COBLL1: variants seen among roughly 807,000 people sequenced by gnomAD.
The protein encoded by COBLL1 is cordon-bleu protein-like 1.
A neutral mutation model predicts 94.8 loss-of-function variants in COBLL1; 50 were observed. The observed-to-expected ratio is 0.53, with a 90% confidence interval of 0.42 to 0.67. The LOEUF (loss-of-function observed/expected upper bound fraction) is 0.67. Ranked by LOEUF, COBLL1 falls within the 30% of genes least tolerant of loss-of-function variation. The probability of loss-of-function intolerance (pLI) is 0.00; values close to 1 mark genes in which losing one functional copy is unlikely to be tolerated. For missense variants in COBLL1, 1,362 were observed against 1,348.7 expected (o/e 1.01, Z -0.15); for synonymous variants, 448 against 473.8 (o/e 0.95, Z 0.71).
intron 2 of COBLL1, among the ~76,000 whole-genome samples, chr2:164,813,700 T>C (rs1427651863): frequency 6.6e-6 from 1 of 152,186 alleles, no homozygotes; most frequent in Non-Finnish European, 1.5e-5. Flanking sequence ...GCATCACAAC[T>C]GAACTTATTG....
chr2:164,788,448 A>G (rs1574589926), intron 2 of COBLL1, among the ~76,000 whole-genome samples: 1 of 152,168 alleles, frequency 6.6e-6, no homozygotes, highest in East Asian at 1.9e-4. Context: ...GAAAATTACA[A>G]GAGATACATG....
chr2:164,807,006 A>G (rs949384512), intron 2 of COBLL1, among the ~76,000 whole-genome samples: 2 of 152,122 alleles, frequency 1.3e-5, no homozygotes, highest in African/African-American at 4.8e-5. Flanking sequence ...TGGCCGGCCT[A>G]TATTTCTTCT....
intron 3 of COBLL1, among the ~76,000 whole-genome samples, chr2:164,730,349 T>G (rs1049108151): frequency 3.6e-5 from 5 of 138,294 alleles, no homozygotes; most frequent in Non-Finnish European, 7.9e-5. Flanking sequence ...AAAAAAACAA[T>G]AGCCTGCTGT....
chr2:164,819,288 CTT>C (rs1251824308), intron 2 of COBLL1, among the ~76,000 whole-genome samples: 1 of 152,002 alleles, frequency 6.6e-6, no homozygotes, highest in South Asian at 2.1e-4. Flanking sequence ...GCATCAATAA[CTT>C]TTACATATTA....
chr2:164,659,468 C>T (rs760038006), intron 2 of COBLL1, among the ~76,000 whole-genome samples: 2 of 152,158 alleles, frequency 1.3e-5, no homozygotes, highest in Non-Finnish European at 2.9e-5. Flanking sequence ...AGTGTGCAGT[C>T]GCAGCACTGG....
chr2:164,675,583 T>C (rs1342070837), downstream of COBLL1, among the ~76,000 whole-genome samples: 1 of 152,172 alleles, frequency 6.6e-6, no homozygotes, highest in African/African-American at 2.4e-5. Context: ...ACAAAATGAT[T>C]TTTTAGGATT....
At chr2:164,803,007 G>T (rs1266615270) in intron 2 of COBLL1, among the ~76,000 whole-genome samples, 8 of 152,072 alleles carry the variant, frequency 5.3e-5, no homozygotes, top group Admixed American at 5.2e-4. Context: ...ATTATAGATT[G>T]CAATATATAG....
intron 7 of COBLL1, among the ~76,000 whole-genome samples, chr2:164,714,013 G>A (rs1685037129): frequency 6.6e-6 from 1 of 152,156 alleles, no homozygotes; most frequent in East Asian, 1.9e-4. Context: ...AAGTCATAGA[G>A]AAGTTCAGCA....
chr2:164,666,164 GAAGTA>G (rs1691155665), intron 1 of COBLL1, among the ~76,000 whole-genome samples: 1 of 152,024 alleles, frequency 6.6e-6, no homozygotes, highest in African/African-American at 2.4e-5. Context: ...CTCTAAACAT[GAAGTA>G]TAGTTATACC....
At chr2:164,785,463 A>G (rs1272357344) in intron 2 of COBLL1, among the ~76,000 whole-genome samples, 3 of 152,158 alleles carry the variant, frequency 2.0e-5, no homozygotes, top group Non-Finnish European at 4.4e-5. Flanking sequence ...CTTCCAGCCA[A>G]CCCCATAAAT....
chr2:164,701,498 C>T, intron 9 of COBLL1, among the ~76,000 whole-genome samples: 1 of 152,172 alleles, frequency 6.6e-6, no homozygotes, highest in East Asian at 1.9e-4. Context: ...AATATACATA[C>T]ATAGGCTGAT....
chr2:164,794,187 T>A (rs1260817437), intron 2 of COBLL1, among the ~76,000 whole-genome samples: 1 of 152,176 alleles, frequency 6.6e-6, no homozygotes, highest in East Asian at 1.9e-4. Flanking sequence ...ACCTCAAAAC[T>A]GAAGGGGTGG....
intron 2 of COBLL1, among the ~76,000 whole-genome samples, chr2:164,751,461 G>T (rs1436529630): frequency 3.9e-5 from 6 of 152,002 alleles, no homozygotes; most frequent in Non-Finnish European, 8.8e-5. Context: ...GCAAAAACTT[G>T]GTGGGTTGCT....
chr2:164,805,337 C>CTATATATATATATATATATATATA (rs71028444), intron 2 of COBLL1, among the ~76,000 whole-genome samples: 3 of 17,048 alleles, frequency 1.8e-4, no homozygotes, highest in South Asian at 2.4e-3. Flanking sequence ...CTCTCTCTCT[C>CTATATATATATATATATATATATA]TATATATATA....
intron 2 of COBLL1, among the ~76,000 whole-genome samples, chr2:164,803,766 A>G (rs1361741984): frequency 1.3e-5 from 2 of 152,112 alleles, no homozygotes; most frequent in Admixed American, 1.3e-4. Context: ...TGTATTATAC[A>G]CACGAAGACA....
Position 164,695,158 on chromosome 2 carries a change from G to T in COBLL1, c.2234C>A (p.Ser745Ter). 6.2e-7 allele frequency: 1 copy of T among 1,613,842 alleles called. No homozygotes were observed. The highest frequency in any genetic ancestry group is 1.1e-5 in the South Asian group (1 of 91,068). Residue 745 changes from serine (S) to a stop codon, truncating the protein, a stop_gained, in exon 12 of 14, where the codon TCG becomes TAG. Transcript: ENST00000652658. LOFTEE classifies it high-confidence loss of function. Reference protein sequence around the residue: ...KIVPPKSLEISKDWQSETIEY... With the variant: ...KIVPPKSLEI ...TATGGTTTCTGATTGCCAGTCTTTC[G>T]ATATTTCCAAGGATTTGGGAGGCAC...
intron 2 of COBLL1, among the ~76,000 whole-genome samples, chr2:164,802,287 G>A (rs776006984): frequency 2.6e-5 from 4 of 152,182 alleles, no homozygotes; most frequent in African/African-American, 7.2e-5. Flanking sequence ...CACATGGTAA[G>A]CATCGATCAT....
chr2:164,696,042 C>A, intron 11 of COBLL1: 1 of 489,842 alleles, frequency 2.0e-6, no homozygotes, highest in South Asian at 3.1e-5. Flanking sequence ...GAATCCCTGG[C>A]TTAACTAGTG....
intron 5 of COBLL1, chr2:164,725,135 A>ATATATAT (rs1558956204): frequency 0.077 from 4,386 of 56,660 alleles, 205 homozygotes; most frequent in Non-Finnish European, 0.1. Flanking sequence ...TATATATATA[A>ATATATAT]AATGAAAGCA....
Sources: gnomAD v4.1 joint callset for allele counts (sites outside exome capture counted in the v4.1 genomes callset) on GRCh38, gnomAD v4.1.1 for gene constraint, MANE v1.5 for transcripts, NCBI Gene and HGNC (gene_info 2026-07-23, HGNC 2026-07-21) for gene names.